Variants in SNED1 observed in about 807,000 individuals in gnomAD.
SNED1 encodes the protein sushi, nidogen and EGF-like domain-containing protein 1.
A neutral mutation model predicts 166.7 loss-of-function variants in SNED1; 81 were observed. The ratio of observed to expected loss-of-function variants is 0.49; its 90% CI spans 0.41 to 0.58. The LOEUF is 0.58. SNED1 is among the 20% of genes least tolerant of loss of function. SNED1 has a pLI of 0.00. For synonymous variants in SNED1, 762 were observed against 822.0 expected, an observed-to-expected ratio of 0.93 and a Z score of 1.25; for missense variants, 1,604 against 2,000.2, an observed-to-expected ratio of 0.80 and a Z score of 3.78.
At chr2:241,084,480 A>G (rs1252941781) in intron 29 of SNED1, among the ~76,000 whole-genome samples, 1 of 152,158 alleles carries the variant, frequency 6.6e-6, no homozygotes, top group Non-Finnish European at 1.5e-5. Flanking sequence ...TACCATACAC[A>G]TCTTCAACTT....
chr2:241,034,818 A>G lies in SNED1; in HGVS notation c.805+88A>G, dbSNP rs568731361. On this transcript the variant is annotated intron_variant, in intron 4 of 31. Coordinates refer to ENST00000310397, the MANE Select transcript of SNED1 (RefSeq NM_001080437.3). ...GAGAGGTGGAGACGAAGGGGGCTGG[A>G]TGCTGACGGGGAGAGCAGGAGCACT... 165 of 1,387,302 alleles carry G rather than the reference A, an allele frequency of 1.2e-4. 1 individual carries two copies. In the African/African-American group the frequency reaches 2.3e-3, roughly 19 times the overall value. 85.9% of individuals were successfully genotyped at this position (1,387,302 alleles called of 1,614,324 possible).
Position 241,026,794 on chromosome 2 carries a change from A to G in SNED1, c.214-3490A>G, listed in dbSNP as rs189984462. On this transcript the variant is annotated intron_variant, in intron 1 of 31. Coordinates refer to ENST00000310397, the MANE Select transcript of SNED1 (RefSeq NM_001080437.3). ...TAGCCATTTTTAAATGTGTGGTTCA[A>G]TGATTAAAGTACATTCACATTATTG... Among the ~76,000 whole-genome samples the G allele has an allele frequency of 6.6e-5, 10 of 152,338 alleles. No individual in the cohort carries two copies. The South Asian group carries it at 1.5e-3, about 22-fold the overall frequency.
intron 1 of SNED1, among the ~76,000 whole-genome samples, chr2:241,027,910 T>A (rs1232499695): frequency 3.3e-5 from 5 of 152,092 alleles, no homozygotes; most frequent in African/African-American, 1.2e-4. Context: ...ATTTTTTGTA[T>A]TTCTAGTAGA....
At chr2:241,055,860 G>A (rs112071618) in intron 16 of SNED1, among the ~76,000 whole-genome samples, 193 of 152,272 alleles carry the variant, frequency 1.3e-3, no homozygotes, top group African/African-American at 4.3e-3. Context: ...ATCCTTAAGC[G>A]TTTAAAACCA....
chr2:241,044,021 T>TA (rs1184875081), intron 8 of SNED1, among the ~76,000 whole-genome samples: 8 of 152,176 alleles, frequency 5.3e-5, no homozygotes, highest in African/African-American at 1.9e-4. Context: ...AAGTAAAAGA[T>TA]ATACATTGTA....
rs376903582 is a variant in SNED1, at chr2:241,036,872, C to G, written c.888C>G (p.Thr296=). The change falls in exon 5 of 32, where the codon ACC becomes ACG. Residue 296 remains threonine (T), a synonymous_variant. Transcript: ENST00000310397. ...GCGTCACGGGCAACCCCTCCTACAC[C>G]TGCTCCTGCCTCTCGGGCTTCACGG... ...DDCVTGNPSY[T]CSCLSGFTGR... is the part of the protein sequence containing the mutation. 6.8e-5 allele frequency: 110 copies of G among 1,611,682 alleles called. No homozygotes were observed. The highest frequency in any genetic ancestry group is 8.9e-5 in the Non-Finnish European group (105 of 1,179,662).
chr2:241,014,040 G>C (rs187282801), intron 1 of SNED1, among the ~76,000 whole-genome samples: 1 of 150,334 alleles, frequency 6.7e-6, no homozygotes, highest in Non-Finnish European at 1.5e-5. Flanking sequence ...ATGGAGTCTC[G>C]CTGTCTTGTC....
chr2:241,059,643 AAT>A (rs1339504260), intron 16 of SNED1, among the ~76,000 whole-genome samples: 1 of 152,276 alleles, frequency 6.6e-6, no homozygotes, highest in Non-Finnish European at 1.5e-5. Context: ...AATGTCAATC[AAT>A]GTACTTCATC....
chr2:241,030,473 A>G lies in SNED1; in HGVS notation c.403A>G (p.Arg135Gly). ...GCTGCGCCGAGCCACGGAGGACGTCAGGCACTACTTCCCCGAGCTCCTGGA... is the reference window on the plus strand; with the variant it reads ...GCTGCGCCGAGCCACGGAGGACGTCGGGCACTACTTCCCCGAGCTCCTGGA... ...AMLRRATEDVRHYFPELLDFN... is the reference protein window; with the variant it reads ...AMLRRATEDVGHYFPELLDFN... Residue 135 changes from arginine to glycine, a missense_variant, in exon 2 of 32, where the codon AGG becomes GGG. Transcript: ENST00000310397. 1 of 1,613,926 alleles carries G rather than the reference A, an allele frequency of 6.2e-7. No individual in the cohort carries two copies. The highest frequency in any genetic ancestry group is 8.5e-7 in the Non-Finnish European group (1 of 1,179,886).
intron 1 of SNED1, among the ~76,000 whole-genome samples, chr2:241,026,200 T>G (rs1414701980): frequency 1.3e-5 from 2 of 152,032 alleles, no homozygotes; most frequent in Non-Finnish European, 2.9e-5. Context: ...GTATTTTTAG[T>G]AGAGATGGGG....
chr2:241,076,599 C>G (rs2063030412), intron 27 of SNED1, among the ~76,000 whole-genome samples: 1 of 152,202 alleles, frequency 6.6e-6, no homozygotes, highest in Non-Finnish European at 1.5e-5. Flanking sequence ...GACCTGCTCA[C>G]ACCTGTAATC....
intron 2 of SNED1, among the ~76,000 whole-genome samples, chr2:241,030,881 G>A (rs2061146938): frequency 6.6e-6 from 1 of 152,238 alleles, no homozygotes; most frequent in South Asian, 2.1e-4. Flanking sequence ...TAGACTGGAA[G>A]GTTATTCTGT....
chr2:241,064,739 C>T lies in SNED1; in HGVS notation c.2600-105C>T, dbSNP rs1158164121. On this transcript the variant is annotated intron_variant, in intron 19 of 31. Transcript: ENST00000310397. The surrounding 1 kb of genome is among the most constrained non-coding windows in gnomAD (Gnocchi z 7.0). ...TAGCTGTCCTGTGCCCCCCGCCCCT[C>T]CACACCCACGCAGGAGGGACCCAGT... 2.6e-6 allele frequency: 2 copies of T among 773,142 alleles called. No individual in the cohort carries two copies. Among genetic ancestry groups the T allele is most frequent in the Middle Eastern group, 2.3e-4 (1 of 4,256 alleles). The allele number at this position is 773,142 out of a possible 1,614,324, so 47.9% of individuals were successfully genotyped here. A position where few individuals can be genotyped will look rare whatever the true frequency, so the allele number is the denominator to read the frequency against.
upstream of SNED1, among the ~76,000 whole-genome samples, chr2:240,998,002 G>A (rs1398423223): frequency 6.6e-6 from 1 of 152,234 alleles, no homozygotes; most frequent in Non-Finnish European, 1.5e-5. Context: ...GCACGCACTT[G>A]CCCCCAGGGC....
At chr2:241,048,501 T>C (rs1377472507) in intron 9 of SNED1, 61 bp downstream of exon 9, 1 of 1,541,130 alleles carries the variant, frequency 6.5e-7, no homozygotes, top group Non-Finnish European at 8.8e-7. Flanking sequence ...AGGGAGGGCC[T>C]TCCTGTGGGT....
At chr2:241,005,057 A>G (rs1169590287) in intron 1 of SNED1, among the ~76,000 whole-genome samples, 1 of 152,058 alleles carries the variant, frequency 6.6e-6, no homozygotes, top group Non-Finnish European at 1.5e-5. Flanking sequence ...ATTATCATTT[A>G]AAGAGATTAA....
In SNED1 at chr2:241,064,156, C is replaced by G; in HGVS notation, c.2599+31C>G. 7.1e-7 allele frequency: 1 copy of G among 1,401,928 alleles called. No individual in the cohort carries two copies. The highest frequency in any genetic ancestry group is 9.6e-7 in the Non-Finnish European group (1 of 1,041,090). 86.8% of individuals were successfully genotyped at this position (1,401,928 alleles called of 1,614,324 possible). A position where few individuals can be genotyped will look rare whatever the true frequency, so the allele number is the denominator to read the frequency against. On this transcript the variant is annotated intron_variant, in intron 19 of 31. Transcript: ENST00000310397. The surrounding 1 kb of genome is among the most constrained non-coding windows in gnomAD (Gnocchi z 7.0). ...GCGGCAGGCCTGCCTGCTCCCCGCCCTCTGCCCGCCTGCTCCCCGCCCTCT... is the reference window on the plus strand; with the variant it reads ...GCGGCAGGCCTGCCTGCTCCCCGCCGTCTGCCCGCCTGCTCCCCGCCCTCT...
At chr2:241,072,420 A>G (rs1437420540) in intron 26 of SNED1, 1 of 360,652 alleles carries the variant, frequency 2.8e-6, no homozygotes, top group African/African-American at 2.1e-5. Flanking sequence ...AGAAGCCCTG[A>G]GACATGTTGG....
chr2:241,081,864 A>C, intron 28 of SNED1, 71 bp downstream of exon 28: 1 of 1,212,042 alleles, frequency 8.3e-7, no homozygotes, highest in Non-Finnish European at 1.2e-6. Flanking sequence ...CTGCTGGGCC[A>C]CAGCTGGGTT....
Sources: gnomAD v4.1 joint callset for allele counts (sites outside exome capture counted in the v4.1 genomes callset) on GRCh38, gnomAD v4.1.1 for gene constraint, Gnocchi (gnomAD v3.1) non-coding constraint, MANE v1.5 for transcripts, NCBI Gene and HGNC (gene_info 2026-07-23, HGNC 2026-07-21) for gene names.